Variants in ADGRB3 observed in about 807,000 individuals in gnomAD.
The protein encoded by ADGRB3 is brain-specific angiogenesis inhibitor 3.
A neutral mutation model predicts 193.4 loss-of-function variants in ADGRB3; 37 were observed. The observed-to-expected ratio is 0.19, with a 90% CI of 0.15 to 0.25. The LOEUF (loss-of-function observed/expected upper bound fraction) is 0.25, where lower values mean the gene tolerates loss of function less well. Ranked by LOEUF, ADGRB3 falls within the 10% of genes least tolerant of loss-of-function variation. The pLI is 1.00. For missense variants in ADGRB3, 1,637 were observed against 1,852.9 expected, an observed-to-expected ratio of 0.88 and a Z score of 2.14; for synonymous variants, 690 against 644.2, an observed-to-expected ratio of 1.07 and a Z score of -1.08.
At position 68,860,044 on chromosome 6, in the gene ADGRB3, A is replaced by G. The variant is rs1383172783; in HGVS notation, c.758-70515A>G. Among the ~76,000 whole-genome samples the G allele has an allele frequency of 2.0e-5, 3 of 152,186 alleles. No homozygotes were observed. The South Asian group carries it at 6.2e-4, about 32-fold the overall frequency. Reference sequence around the variant, plus strand: ...TATATTTTCCAAAATAAAATATATAATGAGAATACTGGCATTGTTTTACAT... The same window carrying G: ...TATATTTTCCAAAATAAAATATATAGTGAGAATACTGGCATTGTTTTACAT... On this transcript the variant is annotated intron_variant, in intron 3 of 31. Coordinates refer to ENST00000370598, the MANE Select transcript of ADGRB3 (RefSeq NM_001704.3).
At chr6:69,266,670 A>G (rs1434382690) in intron 20 of ADGRB3, among the ~76,000 whole-genome samples, 1 of 152,072 alleles carries the variant, frequency 6.6e-6, no homozygotes, top group African/African-American at 2.4e-5. Context: ...ATATACACAC[A>G]TACATACACA....
intron 3 of ADGRB3, among the ~76,000 whole-genome samples, chr6:68,766,841 T>C (rs1189525929): frequency 6.6e-6 from 1 of 152,038 alleles, no homozygotes; most frequent in East Asian, 1.9e-4. Flanking sequence ...CTGTATATGA[T>C]TAAAAACACA....
In ADGRB3 at chr6:69,031,766, C is replaced by T. The variant is rs1562129552; in HGVS notation, c.2107+13267C>T. ...ACTCCTGCCTCAGCTTTTTGAGTAG[C>T]TGGGACTACAGTCATGCGCCACCAC... On this transcript the variant is annotated intron_variant, in intron 13 of 31. Transcript: ENST00000370598. Among the ~76,000 whole-genome samples the T allele has an allele frequency of 3.3e-5, 5 of 151,604 alleles. No homozygotes were observed. The South Asian group carries it at 8.3e-4, about 25-fold the overall frequency.
At chr6:69,269,379 T>TA (rs945578015) in intron 20 of ADGRB3, among the ~76,000 whole-genome samples, 44 of 151,718 alleles carry the variant, frequency 2.9e-4, no homozygotes, top group Middle Eastern at 3.4e-3. Flanking sequence ...GTGTCCAATG[T>TA]AAAAAAAAAT....
At chr6:68,905,257 A>G (rs1281539830) in intron 3 of ADGRB3, among the ~76,000 whole-genome samples, 2 of 152,182 alleles carry the variant, frequency 1.3e-5, no homozygotes, top group African/African-American at 4.8e-5. Context: ...CAGGGTACAC[A>G]TATAAGGTCA....
intron 20 of ADGRB3, among the ~76,000 whole-genome samples, chr6:69,312,512 G>C (rs1005485868): frequency 6.6e-6 from 1 of 151,566 alleles, no homozygotes; most frequent in African/African-American, 2.4e-5. Flanking sequence ...TCCATGAATT[G>C]TCACACCTAG....
At chr6:68,854,608 TA>T (rs1764917368) in intron 3 of ADGRB3, among the ~76,000 whole-genome samples, 1 of 152,072 alleles carries the variant, frequency 6.6e-6, no homozygotes, top group Non-Finnish European at 1.5e-5. Context: ...GACCAGCCTA[TA>T]AAAAACTGTC....
chr6:69,006,487 C>T (rs1769755615), intron 11 of ADGRB3, among the ~76,000 whole-genome samples: 1 of 151,846 alleles, frequency 6.6e-6, no homozygotes, highest in East Asian at 1.9e-4. Flanking sequence ...GGATTAATCT[C>T]AGCAGTGGAG....
intron 23 of ADGRB3, among the ~76,000 whole-genome samples, chr6:69,331,146 C>T (rs1768719227): frequency 1.3e-5 from 2 of 152,154 alleles, no homozygotes; most frequent in Admixed American, 6.5e-5. Context: ...CATCTTCAGA[C>T]ATTTTCCAAT....
At chr6:68,884,189 TCTTTCACTTC>T (rs1165909983) in intron 3 of ADGRB3, among the ~76,000 whole-genome samples, 1 of 152,184 alleles carries the variant, frequency 6.6e-6, no homozygotes, top group African/African-American at 2.4e-5. Flanking sequence ...TAACATATAC[TCTTTCACTTC>T]CTTAGTAGGT....
chr6:68,738,068 G>A lies in ADGRB3; in HGVS notation c.757+98636G>A, dbSNP rs190352799. On this transcript the variant is annotated intron_variant, in intron 3 of 31. Coordinates refer to ENST00000370598, the MANE Select transcript of ADGRB3 (RefSeq NM_001704.3). ...AAAGACCTTACTAAGAAGAAATTGA[G>A]AGCAAAGATCTGAAAGGGAATAAGG... Among the ~76,000 whole-genome samples, 42 of 152,276 alleles carry A rather than the reference G, an allele frequency of 2.8e-4. 1 individual carries two copies. In the East Asian group the frequency reaches 7.0e-3, roughly 25 times the overall value.
chr6:68,767,738 A>G (rs1356199634), intron 3 of ADGRB3, among the ~76,000 whole-genome samples: 1 of 152,136 alleles, frequency 6.6e-6, no homozygotes, highest in Non-Finnish European at 1.5e-5. Context: ...ATAGGAAGAG[A>G]GGAAGTCAAA....
At chr6:68,653,787 G>A (rs1329394433) in intron 3 of ADGRB3, among the ~76,000 whole-genome samples, 1 of 151,886 alleles carries the variant, frequency 6.6e-6, no homozygotes, top group Non-Finnish European at 1.5e-5. Flanking sequence ...TTGCTGAAAG[G>A]TAAGAACTTG....
intron 13 of ADGRB3, among the ~76,000 whole-genome samples, chr6:69,030,991 C>CTTTTCTTTTCT (rs11378924): frequency 1.7e-4 from 9 of 52,488 alleles, no homozygotes; most frequent in African/African-American, 3.4e-4. Flanking sequence ...CTTTTCTTTT[C>CTTTTCTTTTCT]TTTCTTTTCC....
chr6:68,919,394 A>C (rs1180185792), intron 3 of ADGRB3, among the ~76,000 whole-genome samples: 1 of 152,214 alleles, frequency 6.6e-6, no homozygotes, highest in Admixed American at 6.5e-5. Flanking sequence ...TTCTTTTAAT[A>C]AATGCTGTTA....
At chr6:69,067,455 A>G (rs1238669006) in intron 16 of ADGRB3, among the ~76,000 whole-genome samples, 1 of 152,192 alleles carries the variant, frequency 6.6e-6, no homozygotes, top group African/African-American at 2.4e-5. Context: ...TATGCTTGTT[A>G]TCATTAGATA....
chr6:68,959,035 AT>A (rs934529139), intron 8 of ADGRB3, among the ~76,000 whole-genome samples: 1 of 152,010 alleles, frequency 6.6e-6, no homozygotes, highest in Non-Finnish European at 1.5e-5. Context: ...TTCTTAGAGA[AT>A]TTTTTTAATT....
intron 21 of ADGRB3, among the ~76,000 whole-genome samples, chr6:69,327,036 A>G (rs889440229): frequency 5.9e-5 from 9 of 152,310 alleles, no homozygotes; most frequent in Admixed American, 3.9e-4. Context: ...ATGTGAAATG[A>G]TAGTAAGAAA....
intron 8 of ADGRB3, among the ~76,000 whole-genome samples, chr6:68,961,954 G>A (rs867053975): frequency 6.6e-6 from 1 of 152,092 alleles, no homozygotes; most frequent in African/African-American, 2.4e-5. Flanking sequence ...GTTATTACCT[G>A]TTGCATTCTT....
Sources: gnomAD v4.1 joint callset for allele counts (sites outside exome capture counted in the v4.1 genomes callset) on GRCh38, gnomAD v4.1.1 for gene constraint, MANE v1.5 for transcripts, NCBI Gene and HGNC (gene_info 2026-07-23, HGNC 2026-07-21) for gene names.